Variants in ANKRD6 observed in about 807,000 individuals in gnomAD.
The protein encoded by ANKRD6 is ankyrin repeat domain-containing protein 6.
In ANKRD6, 56 loss-of-function variants were observed where a neutral mutation model predicts 82.3. That is an observed-to-expected ratio of 0.68 (90% CI 0.55 to 0.85). The LOEUF (loss-of-function observed/expected upper bound fraction) is 0.85, where lower values mean the gene tolerates loss of function less well. Ranked by LOEUF, ANKRD6 falls within the 40% of genes least tolerant of loss-of-function variation. The pLI is 0.00. For synonymous variants in ANKRD6, 347 were observed against 352.1 expected (o/e 0.99, Z 0.16); for missense variants, 852 against 907.6 (o/e 0.94, Z 0.79).
At chr6:89,448,361 A>T (rs1213476715) in intron 1 of ANKRD6, among the ~76,000 whole-genome samples, 1 of 151,836 alleles carries the variant, frequency 6.6e-6, no homozygotes, top group Non-Finnish European at 1.5e-5. Context: ...CTGAGACTGG[A>T]AGGTTGAGGC....
chr6:89,630,288 C>T, intron 15 of ANKRD6, 145 bp from the exon 16 acceptor site: 7 of 955,214 alleles, frequency 7.3e-6, no homozygotes, highest in Non-Finnish European at 1.1e-5. Context: ...TGAGAAAAGG[C>T]TCAGAGGAGA....
At position 89,617,977 on chromosome 6, in the gene ANKRD6, T is replaced by G. The variant is rs1802029300; in HGVS notation, c.738T>G (p.Thr246=). The change falls in exon 9 of 16, where the codon ACT becomes ACG. Residue 246 remains threonine, a synonymous_variant. Transcript: ENST00000339746. ...AGGCAGGCCAGACTCCGCTGGAGAC[T>G]GCCCGCTACCACAATAACCCGGAAG... is the stretch of plus-strand genomic sequence containing the variant. ...VNNAGQTPLE[T]ARYHNNPEVA... 1.2e-6 allele frequency: 2 copies of G among 1,614,066 alleles called. No homozygotes were observed. Among genetic ancestry groups the G allele is most frequent in the Non-Finnish European group, 1.7e-6 (2 of 1,179,904 alleles).
chr6:89,463,211 G>C (rs1774418539), intron 1 of ANKRD6, among the ~76,000 whole-genome samples: 1 of 152,004 alleles, frequency 6.6e-6, no homozygotes, highest in Non-Finnish European at 1.5e-5. Flanking sequence ...ATATATAAGA[G>C]CAGTTTTATC....
intron 3 of ANKRD6, chr6:89,598,175 T>C: frequency 3.0e-6 from 3 of 985,380 alleles, no homozygotes; most frequent in Non-Finnish European, 3.6e-6. Flanking sequence ...TATTATGAAT[T>C]TCAACCTGTG....
Position 89,620,422 on chromosome 6 carries a change from G to A in ANKRD6, c.793-1500G>A, listed in dbSNP as rs1802777924. On this transcript the variant is annotated intron_variant, in intron 9 of 15. Coordinates refer to ENST00000339746, the MANE Select transcript of ANKRD6 (RefSeq NM_001242809.2). ...AAGTACATTTTAGGCTGATCCTGGTGCTGTATTAAGAGTCCATACATCAGG... is the reference window on the plus strand; with the variant it reads ...AAGTACATTTTAGGCTGATCCTGGTACTGTATTAAGAGTCCATACATCAGG... 2.0e-5 allele frequency among the ~76,000 whole-genome samples: 3 copies of A among 152,196 alleles called. No homozygotes were observed. The South Asian group carries it at 6.2e-4, about 32-fold the overall frequency.
At chr6:89,535,311 T>A (rs1783685034) in intron 1 of ANKRD6, among the ~76,000 whole-genome samples, 1 of 151,956 alleles carries the variant, frequency 6.6e-6, no homozygotes. Context: ...TGGGATAAAA[T>A]TTCCAAGAAT....
At chr6:89,618,333 A>G (rs1563099875) in intron 9 of ANKRD6, 4 of 620,508 alleles carry the variant, frequency 6.4e-6, no homozygotes, top group African/African-American at 1.8e-5. Flanking sequence ...AGTTTAAGAC[A>G]TCGCAGGACA....
At chr6:89,605,969 T>C (rs1416323523) in intron 4 of ANKRD6, 38 bp from the exon 5 acceptor site, 3 of 1,462,914 alleles carry the variant, frequency 2.1e-6, no homozygotes, top group Non-Finnish European at 2.8e-6. Flanking sequence ...AATTAGGTCT[T>C]GGGTAATGTG....
At chr6:89,531,838 AG>A (rs1783190135) in intron 1 of ANKRD6, among the ~76,000 whole-genome samples, 1 of 152,268 alleles carries the variant, frequency 6.6e-6, no homozygotes, top group Non-Finnish European at 1.5e-5. Context: ...TTTAGTAGAA[AG>A]AATTGGCTCA....
chr6:89,550,325 T>C (rs545398782), intron 1 of ANKRD6, among the ~76,000 whole-genome samples: 1 of 152,232 alleles, frequency 6.6e-6, no homozygotes, highest in East Asian at 1.9e-4. Flanking sequence ...AGCTATAATA[T>C]AGTCACATAA....
At chr6:89,586,163 A>G (rs187467975) in intron 2 of ANKRD6, among the ~76,000 whole-genome samples, 135 of 152,328 alleles carry the variant, frequency 8.9e-4, no homozygotes, top group African/African-American at 3.1e-3. Context: ...GAATAATAAT[A>G]CAGTGTGATC....
intron 2 of ANKRD6, among the ~76,000 whole-genome samples, chr6:89,569,760 C>CT (rs969877787): frequency 6.6e-6 from 1 of 152,110 alleles, no homozygotes; most frequent in Non-Finnish European, 1.5e-5. Context: ...GCTTGCCTGT[C>CT]TTTTTTTATA....
At chr6:89,499,884 A>T (rs1344228356) in intron 1 of ANKRD6, among the ~76,000 whole-genome samples, 1 of 152,098 alleles carries the variant, frequency 6.6e-6, no homozygotes, top group Non-Finnish European at 1.5e-5. Context: ...TCAAAACAGC[A>T]TTCCAAACAG....
intron 1 of ANKRD6, among the ~76,000 whole-genome samples, chr6:89,480,939 C>G (rs1455846646): frequency 1.3e-3 from 1 of 756 alleles, no homozygotes; most frequent in African/African-American, 5.6e-3. Flanking sequence ...AAGACCCTGT[C>G]TCAAAAAAAA....
chr6:89,531,529 A>G (rs1394635636), intron 1 of ANKRD6, among the ~76,000 whole-genome samples: 2 of 152,376 alleles, frequency 1.3e-5, no homozygotes, highest in African/African-American at 4.8e-5. Context: ...TGCTTGCAGC[A>G]ACATCTCACA....
Position 89,530,841 on chromosome 6 carries a change from A to G in ANKRD6, c.-143-35993A>G, listed in dbSNP as rs554286138. On this transcript the variant is annotated intron_variant, in intron 1 of 15. Transcript: ENST00000339746. ...TACATTGGTATCTCCCGGCTCTGCC[A>G]TTGTCTCAGTCCTCTAGTCTTCATG... Among the ~76,000 whole-genome samples, 210 of 152,296 alleles carry G rather than the reference A, an allele frequency of 1.4e-3. 1 individual carries two copies. The highest frequency in any genetic ancestry group is 4.7e-3 in the African/African-American group (195 of 41,552).
intron 14 of ANKRD6, 52 bp downstream of exon 14, chr6:89,627,748 A>G (rs1307014496): frequency 1.3e-6 from 2 of 1,552,628 alleles, no homozygotes; most frequent in African/African-American, 2.7e-5. Flanking sequence ...ACACAGGCCC[A>G]CTGAGCTCAG....
chr6:89,603,453 A>G (rs1298750895), intron 4 of ANKRD6, among the ~76,000 whole-genome samples: 1 of 151,798 alleles, frequency 6.6e-6, no homozygotes, highest in African/African-American at 2.4e-5. Flanking sequence ...ATCCTCCCAA[A>G]ATGCTGGCAT....
chr6:89,519,495 A>C (rs919175680), intron 1 of ANKRD6, among the ~76,000 whole-genome samples: 6 of 152,256 alleles, frequency 3.9e-5, no homozygotes, highest in African/African-American at 1.2e-4. Context: ...TGACTTGCAC[A>C]GTTGCAATAA....
Sources: allele counts gnomAD v4.1 joint callset (sites outside exome capture counted in the v4.1 genomes callset), GRCh38; gene constraint gnomAD v4.1.1; transcripts MANE v1.5; gene names NCBI Gene and HGNC (gene_info 2026-07-23, HGNC 2026-07-21).